Variants in PTPRA observed in about 807,000 individuals in gnomAD.
PTPRA encodes the protein receptor-type tyrosine-protein phosphatase alpha.
PTPRA carries 25 observed loss-of-function variants against 104.8 expected under a neutral mutation model. The ratio of observed to expected loss-of-function variants is 0.24; its 90% CI spans 0.17 to 0.33. PTPRA has a LOEUF of 0.33. PTPRA is among the 10% of genes least tolerant of loss of function. The pLI is 1.00. For missense variants in PTPRA, 765 were observed against 1,015.3 expected (o/e 0.75, Z 3.35); for synonymous variants, 323 against 368.9 (o/e 0.88, Z 1.43).
intron 17 of PTPRA, among the ~76,000 whole-genome samples, chr20:3,025,169 C>T (rs2065069949): frequency 6.6e-6 from 1 of 152,148 alleles, no homozygotes; most frequent in South Asian, 2.1e-4. Flanking sequence ...AAAGTGCTCT[C>T]CCAGGCTGGG....
At chr20:2,989,350 T>C (rs1011597694) in intron 9 of PTPRA, among the ~76,000 whole-genome samples, 9 of 152,036 alleles carry the variant, frequency 5.9e-5, no homozygotes, top group Non-Finnish European at 1.0e-4. Context: ...GGAGAATCGC[T>C]TGAACCCAGG....
intron 9 of PTPRA, among the ~76,000 whole-genome samples, chr20:2,998,771 A>G (rs992227397): frequency 3.3e-5 from 5 of 152,180 alleles, no homozygotes; most frequent in African/African-American, 1.2e-4. Flanking sequence ...GATCTAGGCA[A>G]GAAAAGAAAG....
chr20:2,980,550 G>T (rs1037885299), intron 6 of PTPRA, among the ~76,000 whole-genome samples: 1 of 151,016 alleles, frequency 6.6e-6, no homozygotes, highest in Non-Finnish European at 1.5e-5. Flanking sequence ...ACTCCGTCTC[G>T]AGAAAAGAAA....
intron 20 of PTPRA, among the ~76,000 whole-genome samples, chr20:3,029,538 A>ATTTTTTTTTTTTT (rs1390310900): frequency 2.8e-4 from 10 of 35,636 alleles, no homozygotes; most frequent in South Asian, 1.4e-3. Context: ...GGTCTTCATC[A>ATTTTTTTTTTTTT]TCTTTTTTTT....
chr20:2,906,617 A>G (rs1261608795), intron 1 of PTPRA, among the ~76,000 whole-genome samples: 1 of 152,220 alleles, frequency 6.6e-6, no homozygotes, highest in African/African-American at 2.4e-5. Context: ...TCGGAGTGAT[A>G]ACATTTTCTT....
chr20:3,001,004 T>A lies in PTPRA; in HGVS notation c.739-4052T>A, dbSNP rs558794573. Among the ~76,000 whole-genome samples, 112 of 151,750 alleles carry A rather than the reference T, an allele frequency of 7.4e-4. 1 individual carries two copies. Among genetic ancestry groups the A allele is most frequent in the African/African-American group, 1.9e-3 (78 of 41,400 alleles). Reference sequence around the variant, plus strand: ...AATATCAACAAATGTGAAAAAAAAATTTTTTTTTAACCGACATGTCTTTAA... The same window carrying A: ...AATATCAACAAATGTGAAAAAAAAAATTTTTTTTAACCGACATGTCTTTAA... On this transcript the variant is annotated intron_variant, in intron 9 of 23. Coordinates refer to ENST00000399903, the MANE Select transcript of PTPRA (RefSeq NM_001385305.1).
At chr20:2,945,184 A>G (rs537455789) in intron 2 of PTPRA, among the ~76,000 whole-genome samples, 7 of 152,208 alleles carry the variant, frequency 4.6e-5, no homozygotes, top group South Asian at 4.1e-4. Flanking sequence ...CAGATCTGCT[A>G]TTACATTTTT....
chr20:2,931,911 C>T (rs1304751339), intron 2 of PTPRA, among the ~76,000 whole-genome samples: 1 of 152,146 alleles, frequency 6.6e-6, no homozygotes, highest in Non-Finnish European at 1.5e-5. Flanking sequence ...TAGCACAGTG[C>T]CTGGCTTTTC....
At chr20:2,894,109 A>AT (rs1485809410) in intron 1 of PTPRA, among the ~76,000 whole-genome samples, 2 of 152,194 alleles carry the variant, frequency 1.3e-5, no homozygotes, top group South Asian at 2.1e-4. Context: ...CATAGAACAT[A>AT]ATAGTTATAT....
At chr20:2,865,131 A>G in the PTPRA span, 2 of 1,613,902 alleles carry the variant, frequency 1.2e-6, no homozygotes, top group Admixed American at 3.3e-5. This position sits in a 1 kb window ranked among gnomAD's most constrained non-coding sequence, Gnocchi z 5.2. Flanking sequence ...ATCATGCCTC[A>G]TTATCCGGGT....
chr20:2,987,508 A>G (rs943505459), intron 7 of PTPRA, among the ~76,000 whole-genome samples: 2 of 152,228 alleles, frequency 1.3e-5, no homozygotes, highest in Middle Eastern at 3.4e-3. Flanking sequence ...CTAACCAAAG[A>G]TGTTCTGTGC....
At chr20:2,971,062 A>G (rs1156298346) in intron 5 of PTPRA, among the ~76,000 whole-genome samples, 1 of 152,202 alleles carries the variant, frequency 6.6e-6, no homozygotes, top group Non-Finnish European at 1.5e-5. Flanking sequence ...TCCATGTGCA[A>G]AGCCTCACTG....
intron 1 of PTPRA, among the ~76,000 whole-genome samples, chr20:2,918,050 T>A (rs1178569533): frequency 7.5e-6 from 1 of 134,038 alleles, no homozygotes; most frequent in East Asian, 2.2e-4. Context: ...ATTGCACCAC[T>A]GCACTCCAGC....
rs71195803 is a variant in PTPRA, at chr20:2,883,651, CAAAAAAAAAA to C, written c.-129+9909_-129+9918del. On this transcript the variant is annotated intron_variant, in intron 1 of 23. Coordinates refer to ENST00000399903, the MANE Select transcript of PTPRA (RefSeq NM_001385305.1). ...TGGGCGACAGAGCGAGACTCCGTCT[CAAAAAAAAAA>C]AAAAAAAAAAAAAAAAAGAAAGAAA... 1.5e-3 allele frequency among the ~76,000 whole-genome samples: 5 copies of C among 3,250 alleles called. 1 individual carries two copies. The allele number at this position is 3,250 out of a possible 152,430, so 2.1% of individuals were successfully genotyped here. A position where few individuals can be genotyped will look rare whatever the true frequency, so the allele number is the denominator to read the frequency against.
chr20:3,021,296 T>C lies in PTPRA; in HGVS notation c.1042-13T>C. ...GGTCTAAGGTCAGGGAATGTATGTC[T>C]TTTTCTTTCCAGTGCAAGTGCGCCC... is the stretch of plus-strand genomic sequence containing the variant. On this transcript the variant is annotated splice_polypyrimidine_tract_variant and intron_variant, in intron 13 of 23. Transcript: ENST00000399903. 3.1e-6 allele frequency: 5 copies of C among 1,613,654 alleles called. No individual in the cohort carries two copies. The highest frequency in any genetic ancestry group is 3.4e-6 in the Non-Finnish European group (4 of 1,179,682).
At chr20:3,034,940 C>G (rs1286458229) in intron 20 of PTPRA, among the ~76,000 whole-genome samples, 1 of 152,092 alleles carries the variant, frequency 6.6e-6, no homozygotes, top group Non-Finnish European at 1.5e-5. Flanking sequence ...GAGAGCCTAC[C>G]ATGTGCCAGG....
chr20:2,966,883 G>T (rs916974605), intron 5 of PTPRA, among the ~76,000 whole-genome samples: 4 of 152,076 alleles, frequency 2.6e-5, no homozygotes, highest in Admixed American at 2.0e-4. Context: ...TGAAATTTTA[G>T]TAACAACATA....
At chr20:2,911,945 G>A (rs1239389250) in intron 1 of PTPRA, among the ~76,000 whole-genome samples, 4 of 152,052 alleles carry the variant, frequency 2.6e-5, no homozygotes, top group African/African-American at 7.2e-5. Flanking sequence ...ATTCAGATTC[G>A]ATTAAGAAAT....
chr20:3,014,608 C>T (rs1262736069), intron 11 of PTPRA, among the ~76,000 whole-genome samples: 2 of 151,710 alleles, frequency 1.3e-5, no homozygotes, highest in African/African-American at 4.8e-5. Flanking sequence ...CGCACCACTG[C>T]ACTCCAGCCT....
Sources: allele counts gnomAD v4.1 joint callset (sites outside exome capture counted in the v4.1 genomes callset), GRCh38; gene constraint gnomAD v4.1.1; non-coding constraint Gnocchi (gnomAD v3.1); transcripts MANE v1.5; gene names NCBI Gene and HGNC (gene_info 2026-07-23, HGNC 2026-07-21).